Variants in MYO18A observed in about 807,000 individuals in gnomAD.
The protein encoded by MYO18A is unconventional myosin-XVIIIa.
MYO18A carries 78 observed loss-of-function variants against 235.8 expected under a neutral mutation model. The observed-to-expected ratio is 0.33, with a 90% CI of 0.28 to 0.40. The LOEUF (loss-of-function observed/expected upper bound fraction) is 0.40. Among genes scored for constraint, MYO18A ranks in the 10% least tolerant of loss-of-function variants. The pLI is 1.00. For missense variants in MYO18A, 2,215 were observed against 2,699.3 expected, an observed-to-expected ratio of 0.82 and a Z score of 3.98; for synonymous variants, 977 against 1,077.8, an observed-to-expected ratio of 0.91 and a Z score of 1.83.
intron 40 of MYO18A, among the ~76,000 whole-genome samples, chr17:29,084,095 A>C (rs1029185227): frequency 1.3e-5 from 2 of 152,114 alleles, no homozygotes; most frequent in African/African-American, 4.8e-5. Context: ...AGAGCTGCTG[A>C]GGAAGGAGCC....
chr17:29,125,876 C>A lies in MYO18A; in HGVS notation c.1000-3623G>T, dbSNP rs2067308602. On this transcript the variant is annotated intron_variant, in intron 2 of 41. Transcript: ENST00000527372. The surrounding 1 kb of genome is among the most constrained non-coding windows in gnomAD (Gnocchi z 5.1). ...GGGCGGCCAGGGACTGGGACCCACA[C>A]ACAAGAGTGGCATTACAGAAGCTGT... 5 of 985,314 alleles carry A rather than the reference C, an allele frequency of 5.1e-6. No individual in the cohort carries two copies. The South Asian group carries it at 2.3e-4, about 46-fold the overall frequency. The allele number at this position is 985,314 out of a possible 1,614,324, so 61.0% of individuals were successfully genotyped here.
At position 29,140,444 on chromosome 17, in the gene MYO18A, T is replaced by C. The variant is rs949965964; in HGVS notation, c.1000-18191A>G. On this transcript the variant is annotated intron_variant, in intron 2 of 41. Coordinates refer to ENST00000527372, the MANE Select transcript of MYO18A (RefSeq NM_078471.4). The surrounding 1 kb of genome is among the most constrained non-coding windows in gnomAD (Gnocchi z 4.2). Reference sequence around the variant, plus strand: ...TAGCACAGGCTGTGGCCCCGCCCAGTTCCCGCCCTCTCCCCGGCCCCTCCC... The same window carrying C: ...TAGCACAGGCTGTGGCCCCGCCCAGCTCCCGCCCTCTCCCCGGCCCCTCCC... The C allele has an allele frequency of 6.9e-5, 86 of 1,239,192 alleles. No homozygotes were observed. Among genetic ancestry groups the C allele is most frequent in the Admixed American group, 2.0e-4 (7 of 35,238 alleles). 76.8% of individuals were successfully genotyped at this position (1,239,192 alleles called of 1,614,324 possible).
chr17:29,154,845 T>C lies in MYO18A; in HGVS notation c.999+11097A>G, dbSNP rs184353668. Among the ~76,000 whole-genome samples the C allele has an allele frequency of 4.8e-4, 73 of 152,292 alleles. 1 individual carries two copies. The Middle Eastern group carries it at 0.017, about 35-fold the overall frequency. ...TTTACTGCTCTGAGCCCAGTGCTTC[T>C]GCAATCAGCTCCACAACCAAAGCAG... On this transcript the variant is annotated intron_variant, in intron 2 of 41. Coordinates refer to ENST00000527372, the MANE Select transcript of MYO18A (RefSeq NM_078471.4).
In MYO18A at chr17:29,086,533, C is replaced by G. The variant is rs780267318; in HGVS notation, c.5757G>C (p.Gln1919His). 1 of 1,612,980 alleles carries G rather than the reference C, an allele frequency of 6.2e-7. No individual in the cohort carries two copies. The highest frequency in any genetic ancestry group is 1.3e-5 in the African/African-American group (1 of 74,902). ...GCTTGAATGCCAACTTTAGGTCAGC[C>G]TGCAGGCTCTGGTTAGCAGCCTCCA... is the stretch of plus-strand genomic sequence containing the variant. ...ESLEAANQSL[Q>H]ADLKLAFKRI... The change falls in exon 39 of 42, where the codon CAG (glutamine) becomes CAC (histidine). Residue 1919 changes from glutamine (Q) to histidine (H), a missense_variant. By Grantham distance (24) the Gln-to-His change is conservative (BLOSUM62 0). Coordinates refer to ENST00000527372, the MANE Select transcript of MYO18A (RefSeq NM_078471.4).
At chr17:29,130,034 C>A (rs774005797) in intron 2 of MYO18A, among the ~76,000 whole-genome samples, 3 of 152,138 alleles carry the variant, frequency 2.0e-5, no homozygotes, top group Non-Finnish European at 4.4e-5. Context: ...TGGTGGCTCA[C>A]GCCTGTAATC....
In MYO18A at chr17:29,115,770, C is replaced by A; in HGVS notation, c.2121G>T (p.Glu707Asp). 1 of 1,594,982 alleles carries A rather than the reference C, an allele frequency of 6.3e-7. No homozygotes were observed. Residue 707 changes from glutamate (E) to aspartate (D), a missense_variant, in exon 12 of 42, where the codon GAG (glutamate) becomes GAT (aspartate). Transcript: ENST00000527372. ...KAAYLLGCSL[E>D]ELSSAIFKHQ... ...GCTTGAAGATGGCTGAGGACAGCTC[C>A]TCCAGGCTGCAGCCCAGTAGGTACG...
rs1411627705 is a variant in MYO18A, at chr17:29,118,473, T to C, written c.1830-33A>G. The C allele has an allele frequency of 1.3e-6, 2 of 1,574,210 alleles. No homozygotes were observed. The highest frequency in any genetic ancestry group is 1.7e-6 in the Non-Finnish European group (2 of 1,149,822). On this transcript the variant is annotated intron_variant, in intron 8 of 41. Transcript: ENST00000527372. The surrounding 1 kb of genome is among the most constrained non-coding windows in gnomAD (Gnocchi z 4.2). The stretch of plus-strand genomic sequence containing the variant: ...TACAAATAAGGCATCAGCACGGCAC[T>C]TGGTCCCCATGCCAAGGCCATTTCC...
At position 29,121,954 on chromosome 17, in the gene MYO18A, C is replaced by T; in HGVS notation, c.1091G>A (p.Ser364Asn). The T allele has an allele frequency of 6.2e-7, 1 of 1,613,846 alleles. No individual in the cohort carries two copies. ...LVHRDGFSLA[S>N]QLKSEELNLP... ...GTTGAGCTCCTCAGATTTGAGTTGA[C>T]TGGCTGCAGGGGAGGGACAGACAGC... Residue 364 changes from serine to asparagine, a missense_variant, in exon 4 of 42, where the codon AGT (serine) becomes AAT (asparagine). Ser to Asn is a conservative substitution (Grantham distance 46, BLOSUM62 1). Transcript: ENST00000527372. The surrounding 1 kb of genome is among the most constrained non-coding windows in gnomAD (Gnocchi z 4.2).
At position 29,086,921 on chromosome 17, in the gene MYO18A, G is replaced by C. The variant is rs1568042476; in HGVS notation, c.5712+15C>G. 1 of 1,607,534 alleles carries C rather than the reference G, an allele frequency of 6.2e-7. No homozygotes were observed. The highest frequency in any genetic ancestry group is 1.1e-5 in the South Asian group (1 of 90,054). ...GGGCTGCCATGTGGGCCCCGTGGGG[G>C]ACAGGGGGCATTACCAGTTCGTGCT... On this transcript the variant is annotated intron_variant, in intron 38 of 41. Transcript: ENST00000527372.
rs745499726 is a variant in MYO18A, at chr17:29,074,147, C to A, written c.*623G>T. The A allele has an allele frequency of 6.2e-7, 1 of 1,613,760 alleles. No individual in the cohort carries two copies. Among genetic ancestry groups the A allele is most frequent in the African/African-American group, 1.3e-5 (1 of 75,004 alleles). On this transcript the variant is annotated 3_prime_UTR_variant, in exon 42 of 42. Transcript: ENST00000527372. This position sits in a 1 kb window ranked among gnomAD's most constrained non-coding sequence, Gnocchi z 4.4. Reference sequence around the variant, plus strand: ...GACCCGGCTCTCCTCACCAGCGTCTCCAGCTGCACAGAGAAAGGACTGCTC... The same window carrying A: ...GACCCGGCTCTCCTCACCAGCGTCTACAGCTGCACAGAGAAAGGACTGCTC...
chr17:29,111,558 G>A lies in MYO18A; in HGVS notation c.2766C>T (p.Ser922=). 1 of 1,613,906 alleles carries A rather than the reference G, an allele frequency of 6.2e-7. No homozygotes were observed. The highest frequency in any genetic ancestry group is 8.5e-7 in the Non-Finnish European group (1 of 1,179,864). The change falls in exon 17 of 42, where the codon AGC becomes AGT. Residue 922 remains serine (S), a synonymous_variant. Coordinates refer to ENST00000527372, the MANE Select transcript of MYO18A (RefSeq NM_078471.4). This position sits in a 1 kb window ranked among gnomAD's most constrained non-coding sequence, Gnocchi z 5.1. ...KKGQSPLLHS[S]KPHHFLLGHS... is the part of the protein sequence containing the mutation. ...GGCCCAGGAGAAAGTGGTGTGGTTT[G>A]CTGCTGTGCAGAAGGGGGCTTTGGC... is the stretch of plus-strand genomic sequence containing the variant.
At chr17:29,170,889 A>AAAGTTTTC (rs1240362625) in intron 1 of MYO18A, among the ~76,000 whole-genome samples, 3 of 152,218 alleles carry the variant, frequency 2.0e-5, no homozygotes, top group African/African-American at 4.8e-5. Flanking sequence ...CAGCAAGAAA[A>AAAGTTTTC]AAGAAACAAC....
At chr17:29,092,258 C>G in intron 34 of MYO18A, 85 bp downstream of exon 34, 1 of 979,642 alleles carries the variant, frequency 1.0e-6, no homozygotes, top group Non-Finnish European at 1.6e-6. Flanking sequence ...CGTGGAGGGA[C>G]CTGTCTAGGG....
chr17:29,131,065 C>A (rs1388262761), intron 2 of MYO18A, among the ~76,000 whole-genome samples: 1 of 152,188 alleles, frequency 6.6e-6, no homozygotes, highest in Non-Finnish European at 1.5e-5. Flanking sequence ...AAACCAGAAC[C>A]AAAGGGAGGC....
At chr17:29,133,910 C>G in intron 2 of MYO18A, 1 of 1,262,660 alleles carries the variant, frequency 7.9e-7, no homozygotes, top group South Asian at 1.2e-5. Context: ...TCTGAGTCTT[C>G]CCAAAGGCCA....
At chr17:29,169,383 G>A (rs1185378551) in intron 1 of MYO18A, among the ~76,000 whole-genome samples, 1 of 152,154 alleles carries the variant, frequency 6.6e-6, no homozygotes, top group African/African-American at 2.4e-5. Flanking sequence ...TACATGCACA[G>A]TACCTGGGAG....
At chr17:29,131,164 A>T (rs1462817419) in intron 2 of MYO18A, among the ~76,000 whole-genome samples, 1 of 151,962 alleles carries the variant, frequency 6.6e-6, no homozygotes, top group Non-Finnish European at 1.5e-5. Flanking sequence ...CATCACATAC[A>T]CCGTACTTTC....
intron 21 of MYO18A, 35 bp from the exon 22 acceptor site, chr17:29,099,797 T>TGGGCC: frequency 6.2e-7 from 1 of 1,604,694 alleles, no homozygotes; most frequent in Non-Finnish European, 8.5e-7. Flanking sequence ...GGCAGGATAC[T>TGGGCC]GGGCCAGCCC....
Position 29,122,150 on chromosome 17 carries a change from A to G in MYO18A, c.1087+16T>C, listed in dbSNP as rs2067217121. On this transcript the variant is annotated intron_variant, in intron 3 of 41. Coordinates refer to ENST00000527372, the MANE Select transcript of MYO18A (RefSeq NM_078471.4). ...AGTGAGTCCTGACATGTGCCCCCAG[A>G]CCCTCTGAGACTCACCCAGTGAGAA... is the stretch of plus-strand genomic sequence containing the variant. The G allele has an allele frequency of 6.2e-7, 1 of 1,608,102 alleles. No individual in the cohort carries two copies. Among genetic ancestry groups the G allele is most frequent in the Non-Finnish European group, 8.5e-7 (1 of 1,177,136 alleles).
Sources: allele counts gnomAD v4.1 joint callset (sites outside exome capture counted in the v4.1 genomes callset), GRCh38; gene constraint gnomAD v4.1.1; non-coding constraint Gnocchi (gnomAD v3.1); transcripts MANE v1.5; gene names NCBI Gene and HGNC (gene_info 2026-07-23, HGNC 2026-07-21).